The following RIMS2 variants were observed in gnomAD, a reference collection of about 807,000 sequenced individuals.
The protein encoded by RIMS2 is regulating synaptic membrane exocytosis protein 2.
Under a neutral mutation model 174.4 loss-of-function variants are expected in RIMS2, and 59 were observed. That is an observed-to-expected ratio of 0.34 (90% confidence interval 0.27 to 0.42). RIMS2 has a LOEUF of 0.42. Among genes scored for constraint, RIMS2 ranks in the 10% least tolerant of loss-of-function variants. The pLI, the probability that RIMS2 is intolerant of heterozygous loss-of-function variation, is 1.00. For synonymous variants in RIMS2, 606 were observed against 572.5 expected, an observed-to-expected ratio of 1.06 and a Z score of -0.84; for missense variants, 1,620 against 1,666.3, an observed-to-expected ratio of 0.97 and a Z score of 0.48.
At chr8:103,567,485 G>A (rs115454661) in intron 1 of RIMS2, among the ~76,000 whole-genome samples, 10 of 152,202 alleles carry the variant, frequency 6.6e-5, no homozygotes, top group South Asian at 2.1e-4. Flanking sequence ...TATTCATGTC[G>A]TAACATGTAT....
At position 103,933,166 on chromosome 8, in the gene RIMS2, G is replaced by A. The variant is rs530672565; in HGVS notation, c.2375+1773G>A. Among the ~76,000 whole-genome samples, 10 of 152,202 alleles carry A rather than the reference G, an allele frequency of 6.6e-5. No individual in the cohort carries two copies. In the East Asian group the frequency reaches 1.5e-3, roughly 24 times the overall value. On this transcript the variant is annotated intron_variant, in intron 12 of 23. Transcript: ENST00000504942. ...AAGTTAGCCAGGCGTGGTGGCAGGT[G>A]CCTATAGTCCCAGCTACTCGGGAGG...
chr8:103,626,806 T>TAAAAGGG (rs2095798162), intron 1 of RIMS2, among the ~76,000 whole-genome samples: 1 of 151,924 alleles, frequency 6.6e-6, no homozygotes, highest in African/African-American at 2.4e-5. Context: ...AGCAAGTTTT[T>TAAAAGGG]TATTAGGGAT....
chr8:104,020,289 G>T (rs529851687), intron 19 of RIMS2, among the ~76,000 whole-genome samples: 49 of 151,758 alleles, frequency 3.2e-4, no homozygotes, highest in Non-Finnish European at 5.9e-4. Context: ...ATATTATAAA[G>T]ACAATGAGGG....
chr8:104,160,214 G>C (rs2098752681), intron 19 of RIMS2, among the ~76,000 whole-genome samples: 1 of 151,944 alleles, frequency 6.6e-6, no homozygotes, highest in Admixed American at 6.6e-5. Flanking sequence ...AATCCCATCA[G>C]ACTATAAATT....
chr8:103,788,468 TTTG>T (rs1255683096), intron 3 of RIMS2, among the ~76,000 whole-genome samples: 4 of 148,226 alleles, frequency 2.7e-5, no homozygotes, highest in Non-Finnish European at 6.0e-5. Flanking sequence ...GTCCTTTCTG[TTTG>T]TTAGTTTTCC....
chr8:104,086,599 A>G (rs1393036938), intron 19 of RIMS2, among the ~76,000 whole-genome samples: 1 of 152,040 alleles, frequency 6.6e-6, no homozygotes, highest in African/African-American at 2.4e-5. Context: ...AGGAAAAATT[A>G]TTCACCTCAT....
At chr8:103,723,660 G>A (rs1331719092) in intron 2 of RIMS2, among the ~76,000 whole-genome samples, 3 of 152,222 alleles carry the variant, frequency 2.0e-5, no homozygotes, top group Admixed American at 6.5e-5. Flanking sequence ...GTCCACAGGT[G>A]CTGGCCTGAT....
chr8:103,684,968 T>A (rs2096924273), intron 1 of RIMS2, among the ~76,000 whole-genome samples: 1 of 152,184 alleles, frequency 6.6e-6, no homozygotes, highest in Non-Finnish European at 1.5e-5. Context: ...ACAAAGAATT[T>A]CTTGAATGTT....
chr8:103,700,159 A>C (rs2097151410), intron 2 of RIMS2, among the ~76,000 whole-genome samples: 1 of 151,994 alleles, frequency 6.6e-6, no homozygotes, highest in Non-Finnish European at 1.5e-5. Flanking sequence ...TTGTTAAGAG[A>C]GGGGTTTTGA....
At chr8:103,872,646 G>A (rs1487823774) in intron 3 of RIMS2, among the ~76,000 whole-genome samples, 1 of 152,198 alleles carries the variant, frequency 6.6e-6, no homozygotes, top group Non-Finnish European at 1.5e-5. Context: ...TTAAAAGAGG[G>A]CTATTGTGTT....
chr8:103,639,014 CTT>C (rs922991893), intron 1 of RIMS2, among the ~76,000 whole-genome samples: 1 of 151,968 alleles, frequency 6.6e-6, no homozygotes, highest in Non-Finnish European at 1.5e-5. Context: ...AGCCTCCTCT[CTT>C]TGTTTATTTG....
At chr8:103,680,088 T>C (rs1564264412) in intron 1 of RIMS2, among the ~76,000 whole-genome samples, 1 of 152,096 alleles carries the variant, frequency 6.6e-6, no homozygotes, top group Non-Finnish European at 1.5e-5. Flanking sequence ...CACTAGAAAG[T>C]TATATATTCA....
chr8:104,207,802 AAAC>A, intron 19 of RIMS2, among the ~76,000 whole-genome samples: 1 of 150,938 alleles, frequency 6.6e-6, no homozygotes, highest in Non-Finnish European at 1.5e-5. Flanking sequence ...AACAAGAGCA[AAAC>A]TCCTTCTCAA....
intron 3 of RIMS2, among the ~76,000 whole-genome samples, chr8:103,792,315 A>G (rs1362163031): frequency 6.6e-6 from 1 of 152,212 alleles, no homozygotes; most frequent in Non-Finnish European, 1.5e-5. Flanking sequence ...CTGCTCCTGA[A>G]TGACTACTGG....
intron 22 of RIMS2, among the ~76,000 whole-genome samples, chr8:104,250,769 G>A (rs1208092672): frequency 2.0e-5 from 3 of 152,162 alleles, no homozygotes; most frequent in African/African-American, 4.8e-5. Context: ...ATTTAATGCA[G>A]TGTGTAAACC....
intron 19 of RIMS2, among the ~76,000 whole-genome samples, chr8:104,205,786 C>T (rs984792084): frequency 1.7e-4 from 26 of 149,352 alleles, no homozygotes; most frequent in South Asian, 8.4e-4. Flanking sequence ...GATGAAGTCT[C>T]GCTGTGTCAC....
chr8:104,041,038 A>G (rs1428104837), intron 19 of RIMS2, among the ~76,000 whole-genome samples: 1 of 151,722 alleles, frequency 6.6e-6, no homozygotes, highest in East Asian at 1.9e-4. Flanking sequence ...ATTGGTGTTC[A>G]GGATTTGCTG....
At chr8:104,069,623 C>T (rs375649489) in intron 19 of RIMS2, among the ~76,000 whole-genome samples, 10 of 151,896 alleles carry the variant, frequency 6.6e-5, no homozygotes, top group Non-Finnish European at 1.5e-4. Context: ...CATGCGCCAC[C>T]ATGCCCAGCT....
intron 1 of RIMS2, among the ~76,000 whole-genome samples, chr8:103,587,463 A>C (rs751930964): frequency 0.013 from 1,358 of 102,948 alleles, 13 homozygotes; most frequent in Middle Eastern, 0.017. Context: ...AAAGAAAGAA[A>C]GAAAGAAACT....
Sources: allele counts gnomAD v4.1 joint callset (sites outside exome capture counted in the v4.1 genomes callset), GRCh38; gene constraint gnomAD v4.1.1; transcripts MANE v1.5; gene names NCBI Gene and HGNC (gene_info 2026-07-23, HGNC 2026-07-21).